Variants in MMP20 observed in about 807,000 individuals in gnomAD.
The protein encoded by MMP20 is matrix metalloproteinase-20.
MMP20 carries 50 observed loss-of-function variants against 51.8 expected under a neutral mutation model. The ratio of observed to expected loss-of-function variants is 0.97; its 90% CI spans 0.77 to 1.22. The LOEUF (loss-of-function observed/expected upper bound fraction) is 1.22, where lower values mean the gene tolerates loss of function less well. MMP20 is among the 50% of genes most tolerant of loss of function. The pLI is 0.00. For missense variants in MMP20, 663 were observed against 601.4 expected, an observed-to-expected ratio of 1.10 and a Z score of -1.07; for synonymous variants, 244 against 216.2, an observed-to-expected ratio of 1.13 and a Z score of -1.13.
chr11:102,595,067 G>A (rs1407094172), intron 6 of MMP20, among the ~76,000 whole-genome samples: 1 of 151,972 alleles, frequency 6.6e-6, no homozygotes, highest in Non-Finnish European at 1.5e-5. Flanking sequence ...GGCTACAGCT[G>A]TGTGCCACCA....
chr11:102,621,247 A>G (rs557587135), intron 1 of MMP20, among the ~76,000 whole-genome samples: 3 of 152,340 alleles, frequency 2.0e-5, no homozygotes, highest in African/African-American at 7.2e-5. Flanking sequence ...CATGGCTGTG[A>G]TAACAAGTGG....
At chr11:102,621,590 C>T (rs551463390) in intron 1 of MMP20, among the ~76,000 whole-genome samples, 3 of 152,274 alleles carry the variant, frequency 2.0e-5, no homozygotes, top group African/African-American at 7.2e-5. Context: ...CTCATTAAGT[C>T]CATGTCTGGA....
At chr11:102,590,170 G>A (rs1859301414) in intron 8 of MMP20, among the ~76,000 whole-genome samples, 1 of 152,158 alleles carries the variant, frequency 6.6e-6, no homozygotes, top group Non-Finnish European at 1.5e-5. Flanking sequence ...CTACTGGTAG[G>A]CAAGGAAGAA....
intron 6 of MMP20, among the ~76,000 whole-genome samples, chr11:102,606,325 C>G (rs1288348904): frequency 6.6e-6 from 1 of 152,160 alleles, no homozygotes; most frequent in Non-Finnish European, 1.5e-5. Flanking sequence ...TAACTTAGCA[C>G]AGTAGCAAGA....
chr11:102,598,963 T>C (rs900743640), intron 6 of MMP20, among the ~76,000 whole-genome samples: 1 of 151,856 alleles, frequency 6.6e-6, no homozygotes, highest in African/African-American at 2.4e-5. Flanking sequence ...TAGATTCTGA[T>C]CTCTGTCATC....
intron 5 of MMP20, 147 bp downstream of exon 5, chr11:102,608,790 C>A: frequency 1.2e-6 from 1 of 842,302 alleles, no homozygotes; most frequent in South Asian, 1.4e-5. Flanking sequence ...TTATAACTAG[C>A]AAATCAGCTC....
At chr11:102,609,720 A>G (rs1297352865) in intron 4 of MMP20, among the ~76,000 whole-genome samples, 185 bp downstream of exon 4, 5 of 152,234 alleles carry the variant, frequency 3.3e-5, no homozygotes, top group Non-Finnish European at 5.9e-5. Context: ...AGACAAGTCT[A>G]CAACACAATT....
chr11:102,616,072 G>T (rs1859666437), intron 2 of MMP20, among the ~76,000 whole-genome samples: 1 of 152,090 alleles, frequency 6.6e-6, no homozygotes, highest in African/African-American at 2.4e-5. Flanking sequence ...GTTCTGGTTG[G>T]GTGTGTCCCC....
chr11:102,578,890 A>G lies in MMP20; in HGVS notation c.1351+149T>C, dbSNP rs895371108. On this transcript the variant is annotated intron_variant, in intron 9 of 9. Transcript: ENST00000260228. ...TTACAGTTACTCTTTCTAGTGGACA[A>G]TCTGTTTAGATAAACTTATGAAAGG... 6.0e-5 allele frequency: 39 copies of G among 654,856 alleles called. No homozygotes were observed. The South Asian group carries it at 6.7e-4, about 11-fold the overall frequency. 40.6% of individuals were successfully genotyped at this position (654,856 alleles called of 1,614,324 possible). A position where few individuals can be genotyped will look rare whatever the true frequency, so the allele number is the denominator to read the frequency against.
intron 6 of MMP20, among the ~76,000 whole-genome samples, chr11:102,601,839 T>C (rs1349854159): frequency 1.3e-5 from 2 of 152,214 alleles, no homozygotes; most frequent in African/African-American, 2.4e-5. Flanking sequence ...CTCACCAAAT[T>C]AGTGTCCTAA....
intron 1 of MMP20, 143 bp from the exon 2 acceptor site, chr11:102,617,202 G>C (rs1489081811): frequency 9.8e-7 from 1 of 1,016,248 alleles, no homozygotes; most frequent in Non-Finnish European, 1.5e-6. Context: ...AGACATATTT[G>C]TTTACATAAA....
At chr11:102,621,831 T>A (rs1179550563) in intron 1 of MMP20, among the ~76,000 whole-genome samples, 1 of 152,220 alleles carries the variant, frequency 6.6e-6, no homozygotes, top group Non-Finnish European at 1.5e-5. Flanking sequence ...TTGAAGACAG[T>A]AACAATTTTA....
At chr11:102,591,765 G>A (rs1859320080) in intron 8 of MMP20, among the ~76,000 whole-genome samples, 1 of 152,160 alleles carries the variant, frequency 6.6e-6, no homozygotes, top group Non-Finnish European at 1.5e-5. Context: ...GGGGCAAAGA[G>A]CATCACTAAA....
chr11:102,606,808 G>A (rs1859524193), intron 5 of MMP20, 132 bp from the exon 6 acceptor site: 1 of 1,116,186 alleles, frequency 9.0e-7, no homozygotes, highest in African/African-American at 1.5e-5. Context: ...GTTGAGGGCA[G>A]GTATGGGTTT....
At chr11:102,601,530 T>C (rs933044764) in intron 6 of MMP20, among the ~76,000 whole-genome samples, 2 of 152,220 alleles carry the variant, frequency 1.3e-5, no homozygotes, top group Non-Finnish European at 2.9e-5. Context: ...TTAGACTTTT[T>C]TTCTTTCTCC....
chr11:102,583,324 T>C (rs920985713), intron 8 of MMP20: 5 of 152,188 alleles, frequency 3.3e-5, no homozygotes, highest in African/African-American at 1.2e-4. Flanking sequence ...AACAATTCAG[T>C]GGTTTTTTAG....
At chr11:102,578,533 T>G (rs1222856248) in intron 9 of MMP20, among the ~76,000 whole-genome samples, 1 of 152,118 alleles carries the variant, frequency 6.6e-6, no homozygotes, top group Admixed American at 6.5e-5. Flanking sequence ...CTTTAAAAAC[T>G]TTCCATTAGG....
intron 8 of MMP20, among the ~76,000 whole-genome samples, chr11:102,587,620 TG>T (rs1368817389): frequency 1.3e-5 from 2 of 152,198 alleles, no homozygotes; most frequent in African/African-American, 4.8e-5. Flanking sequence ...CATACATTTT[TG>T]GGGCCCTGTG....
At position 102,606,567 on chromosome 11, in the gene MMP20, CA is replaced by C; in HGVS notation, c.920del (p.Met307SerfsTer63). The C allele has an allele frequency of 6.2e-7, 1 of 1,614,020 alleles. No homozygotes were observed. Among genetic ancestry groups the C allele is most frequent in the Non-Finnish European group, 8.5e-7 (1 of 1,179,920 alleles). ...TGAAGAGCAGGAGCTCCTTCCCCAG[CA>C]TTGTCACAGCGTCAAAGGATGAGCT... ...DSSSSFDAVT[M>X]LGKELLLFKD... On this transcript the variant is annotated frameshift_variant, in exon 6 of 10. Coordinates refer to ENST00000260228, the MANE Select transcript of MMP20 (RefSeq NM_004771.4). LOFTEE classifies it high-confidence loss of function.
Sources: allele counts gnomAD v4.1 joint callset (sites outside exome capture counted in the v4.1 genomes callset), GRCh38; gene constraint gnomAD v4.1.1; transcripts MANE v1.5; gene names NCBI Gene and HGNC (gene_info 2026-07-23, HGNC 2026-07-21).